TMEM178B: variants seen among roughly 807,000 people sequenced by gnomAD.
TMEM178B encodes transmembrane protein 178B.
Under a neutral mutation model 31.0 loss-of-function variants are expected in TMEM178B, and 5 were observed. The ratio of observed to expected loss-of-function variants is 0.16; its 90% CI spans 0.08 to 0.34. The LOEUF (loss-of-function observed/expected upper bound fraction) is 0.34. Among genes scored for constraint, TMEM178B ranks in the 10% least tolerant of loss-of-function variants. TMEM178B has a pLI of 1.00. For synonymous variants in TMEM178B, 164 were observed against 164.0 expected, an observed-to-expected ratio of 1.00 and a Z score of 0.00; for missense variants, 275 against 400.3, an observed-to-expected ratio of 0.69 and a Z score of 2.67.
At chr7:141,248,319 G>A (rs998329451) in intron 2 of TMEM178B, among the ~76,000 whole-genome samples, 3 of 152,160 alleles carry the variant, frequency 2.0e-5, no homozygotes, top group Non-Finnish European at 2.9e-5. Flanking sequence ...GGTGAGGCAC[G>A]AGAATCGCTT....
chr7:141,228,011 C>G (rs1421258470), intron 2 of TMEM178B, among the ~76,000 whole-genome samples: 1 of 152,034 alleles, frequency 6.6e-6, no homozygotes, highest in African/African-American at 2.4e-5. Flanking sequence ...TTACATTTCT[C>G]TGTCCATACA....
intron 2 of TMEM178B, among the ~76,000 whole-genome samples, chr7:141,434,229 C>T (rs1801492223): frequency 6.6e-6 from 1 of 152,162 alleles, no homozygotes; most frequent in Admixed American, 6.5e-5. Context: ...AGGTGGACAC[C>T]TCTTATTGAC....
intron 2 of TMEM178B, among the ~76,000 whole-genome samples, chr7:141,285,154 CTTTTTTTTTTTT>C (rs1030685003): frequency 3.8e-5 from 2 of 52,810 alleles, no homozygotes; most frequent in East Asian, 5.2e-4. Flanking sequence ...ATTCTTGTTT[CTTTTTTTTTTTT>C]TTTTTTTTTT....
intron 2 of TMEM178B, among the ~76,000 whole-genome samples, chr7:141,247,953 C>T (rs560694454): frequency 6.6e-6 from 1 of 152,060 alleles, no homozygotes; most frequent in African/African-American, 2.4e-5. Flanking sequence ...GTCTGGCACC[C>T]CTCCAGGCCC....
chr7:141,317,781 G>A (rs928759418), intron 2 of TMEM178B, among the ~76,000 whole-genome samples: 6 of 152,142 alleles, frequency 3.9e-5, no homozygotes, highest in Non-Finnish European at 8.8e-5. Flanking sequence ...AGAATCTAGG[G>A]ATAAGACTCA....
chr7:141,293,333 G>T (rs766873940), intron 2 of TMEM178B, among the ~76,000 whole-genome samples: 26 of 152,192 alleles, frequency 1.7e-4, no homozygotes, highest in Non-Finnish European at 3.4e-4. Context: ...CTCCCTGGAA[G>T]GCCTGCAATT....
intron 2 of TMEM178B, among the ~76,000 whole-genome samples, chr7:141,257,122 C>T (rs1797940638): frequency 6.6e-6 from 1 of 152,100 alleles, no homozygotes; most frequent in African/African-American, 2.4e-5. Flanking sequence ...AAGGAATGTC[C>T]AGTGATGTGG....
In TMEM178B at chr7:141,475,931, C is replaced by G. The variant is rs1472455927; in HGVS notation, c.*5145C>G. 1 of 152,128 alleles carries G rather than the reference C, an allele frequency of 6.6e-6. No individual in the cohort carries two copies. The highest frequency in any genetic ancestry group is 2.4e-5 in the African/African-American group (1 of 41,436). 9.4% of individuals were successfully genotyped at this position (152,128 alleles called of 1,614,324 possible). ...CTCTGCACTGAAATGATTTGTGACTCTGGGCACTGTGTCTTCTCCATACTT... is the reference window on the plus strand; with the variant it reads ...CTCTGCACTGAAATGATTTGTGACTGTGGGCACTGTGTCTTCTCCATACTT... On this transcript the variant is annotated 3_prime_UTR_variant, in exon 4 of 4. Coordinates refer to ENST00000565468, the MANE Select transcript of TMEM178B (RefSeq NM_001195278.2).
chr7:141,347,715 AC>A (rs1239254294), intron 2 of TMEM178B, among the ~76,000 whole-genome samples: 1 of 146,018 alleles, frequency 6.8e-6, no homozygotes, highest in African/African-American at 2.6e-5. Flanking sequence ...CATCTCCCCC[AC>A]CCCCCGTCTG....
At chr7:141,111,995 G>T (rs1372607250) in intron 1 of TMEM178B, among the ~76,000 whole-genome samples, 3 of 152,136 alleles carry the variant, frequency 2.0e-5, no homozygotes, top group African/African-American at 7.2e-5. Flanking sequence ...TTTGTCTCTA[G>T]AAGTATTAAG....
chr7:141,115,753 T>G (rs1795308142), intron 1 of TMEM178B, among the ~76,000 whole-genome samples: 1 of 152,172 alleles, frequency 6.6e-6, no homozygotes, highest in Non-Finnish European at 1.5e-5. Context: ...GGCATTCACC[T>G]CTGAGGGCAA....
At chr7:141,208,991 C>G (rs1797008292) in intron 1 of TMEM178B, among the ~76,000 whole-genome samples, 1 of 152,166 alleles carries the variant, frequency 6.6e-6, no homozygotes, top group Admixed American at 6.5e-5. Flanking sequence ...CAGCATTGTG[C>G]AAGTGAGACA....
At chr7:141,492,239 C>T in the TMEM178B span, among the ~76,000 whole-genome samples, 1 of 152,180 alleles carries the variant, frequency 6.6e-6, no homozygotes, top group East Asian at 1.9e-4. Flanking sequence ...CCATTTTTCC[C>T]TCGCTCCTAA....
rs145851430 is a variant in TMEM178B at position 141,249,222 on chromosome 7, C to A, written c.496+36518C>A. 2.2e-4 allele frequency among the ~76,000 whole-genome samples: 33 copies of A among 152,274 alleles called. 2 individuals carry two copies. In the East Asian group the frequency reaches 5.0e-3, roughly 23 times the overall value. On this transcript the variant is annotated intron_variant, in intron 2 of 3. Coordinates refer to ENST00000565468, the MANE Select transcript of TMEM178B (RefSeq NM_001195278.2). The stretch of plus-strand genomic sequence containing the variant: ...TGGAGGAGGTTTCCCCCATACTGTT[C>A]TCGTGGTAGTGAATAAGTCTCCTGA...
rs1376644657 is a variant in TMEM178B at position 141,097,581 on chromosome 7, C to T, written c.382+22889C>T. ...CAAAAATTGAAGAGAATCAGTCCAC[C>T]TTGACCCATTTTGGCCAATAGAGCG... On this transcript the variant is annotated intron_variant, in intron 1 of 3. Coordinates refer to ENST00000565468, the MANE Select transcript of TMEM178B (RefSeq NM_001195278.2). 3.9e-5 allele frequency among the ~76,000 whole-genome samples: 6 copies of T among 151,990 alleles called. No homozygotes were observed. The South Asian group carries it at 1.2e-3, about 32-fold the overall frequency.
intron 1 of TMEM178B, among the ~76,000 whole-genome samples, chr7:141,079,873 G>A (rs141192647): frequency 6.6e-6 from 1 of 152,144 alleles, no homozygotes; most frequent in Non-Finnish European, 1.5e-5. Flanking sequence ...GCACAGAAAG[G>A]TCAGATAACT....
intron 2 of TMEM178B, among the ~76,000 whole-genome samples, chr7:141,227,649 C>T (rs900702257): frequency 6.6e-6 from 1 of 152,128 alleles, no homozygotes; most frequent in Non-Finnish European, 1.5e-5. Context: ...GGGCGGAGTC[C>T]GGACTGTGAG....
intron 2 of TMEM178B, among the ~76,000 whole-genome samples, chr7:141,421,022 A>G (rs1379416745): frequency 6.6e-6 from 1 of 152,180 alleles, no homozygotes; most frequent in Non-Finnish European, 1.5e-5. Flanking sequence ...AAGAACTAGA[A>G]GAAGGAGCTA....
intron 2 of TMEM178B, among the ~76,000 whole-genome samples, chr7:141,303,362 A>C (rs147834833): frequency 6.6e-6 from 1 of 152,230 alleles, no homozygotes; most frequent in Admixed American, 6.5e-5. Flanking sequence ...GTCTTGGGTA[A>C]GGATCAAACA....
Sources: gnomAD v4.1 joint callset for allele counts (sites outside exome capture counted in the v4.1 genomes callset) on GRCh38, gnomAD v4.1.1 for gene constraint, MANE v1.5 for transcripts, NCBI Gene and HGNC (gene_info 2026-07-23, HGNC 2026-07-21) for gene names.